The following SGCZ variants were observed in gnomAD, a reference collection of about 807,000 sequenced individuals.
SGCZ encodes the protein zeta-sarcoglycan.
Under a neutral mutation model 41.3 loss-of-function variants are expected in SGCZ, and 40 were observed. The observed-to-expected ratio is 0.97, with a 90% CI of 0.75 to 1.26. SGCZ has a LOEUF of 1.26. Among genes scored for constraint, SGCZ ranks in the 50% most tolerant of loss-of-function variants. The pLI, the probability that SGCZ is intolerant of heterozygous loss-of-function variation, is 0.00. For missense variants in SGCZ, 552 were observed against 369.8 expected (o/e 1.49, Z -4.04); for synonymous variants, 206 against 137.5 (o/e 1.50, Z -3.49).
chr8:14,160,783 GGTAGAGTGAAC>G (rs1804020668), intron 5 of SGCZ, among the ~76,000 whole-genome samples: 1 of 152,090 alleles, frequency 6.6e-6, no homozygotes, highest in Non-Finnish European at 1.5e-5. Flanking sequence ...CTGCTTTGTA[GGTAGAGTGAAC>G]GTAAATATCA....
At position 14,358,425 on chromosome 8, in the gene SGCZ, C is replaced by T. The variant is rs374100869; in HGVS notation, c.235-34221G>A. The stretch of plus-strand genomic sequence containing the variant: ...TATGTTGTCATCAATCATCTCATTA[C>T]GTAAGAAGTCTTACTGTCACCAGAT... On this transcript the variant is annotated intron_variant, in intron 2 of 7. Coordinates refer to ENST00000382080, the MANE Select transcript of SGCZ (RefSeq NM_139167.4). Among the ~76,000 whole-genome samples the T allele has an allele frequency of 1.7e-3, 260 of 152,062 alleles. 1 individual carries two copies. The highest frequency in any genetic ancestry group is 5.5e-3 in the African/African-American group (229 of 41,484).
intron 1 of SGCZ, among the ~76,000 whole-genome samples, chr8:14,755,022 A>G (rs1283356408): frequency 6.6e-6 from 1 of 152,120 alleles, no homozygotes; most frequent in Non-Finnish European, 1.5e-5. Context: ...CAGACACTGC[A>G]CCTGGCCTGG....
At chr8:15,103,703 G>A (rs1806703076) in intron 1 of SGCZ, among the ~76,000 whole-genome samples, 1 of 151,942 alleles carries the variant, frequency 6.6e-6, no homozygotes, top group East Asian at 1.9e-4. Flanking sequence ...CAGGATCAAA[G>A]GTTAAAAGGC....
At chr8:14,358,810 C>A (rs1252972099) in intron 2 of SGCZ, among the ~76,000 whole-genome samples, 2 of 151,954 alleles carry the variant, frequency 1.3e-5, no homozygotes, top group African/African-American at 2.4e-5. Context: ...GGGGTTTCAC[C>A]ATCTTGGCCA....
intron 1 of SGCZ, among the ~76,000 whole-genome samples, chr8:15,193,703 G>A (rs969778016): frequency 1.3e-5 from 2 of 151,274 alleles, no homozygotes; most frequent in African/African-American, 4.9e-5. Context: ...ATTTCTGGCT[G>A]AAATATTAGT....
intron 1 of SGCZ, among the ~76,000 whole-genome samples, chr8:14,800,339 T>C (rs73533035): frequency 0.067 from 10,196 of 152,204 alleles, 756 homozygotes; most frequent in African/African-American, 0.18. Context: ...CCTCATACTA[T>C]AGATAGAGCA....
intron 1 of SGCZ, among the ~76,000 whole-genome samples, chr8:15,031,905 C>CTCTCTCTCTCTA (rs1554543347): frequency 1.4e-5 from 1 of 71,354 alleles, no homozygotes; most frequent in African/African-American, 1.1e-4. Flanking sequence ...CTATATTCCT[C>CTCTCTCTCTCTA]TCTCTCTCTC....
intron 6 of SGCZ, among the ~76,000 whole-genome samples, chr8:14,107,698 G>C (rs1802249419): frequency 6.6e-6 from 1 of 152,146 alleles, no homozygotes; most frequent in African/African-American, 2.4e-5. Context: ...GAGCACAGCG[G>C]CATGATCATA....
At chr8:14,795,978 A>G (rs1270518006) in intron 1 of SGCZ, among the ~76,000 whole-genome samples, 1 of 152,164 alleles carries the variant, frequency 6.6e-6, no homozygotes, top group Non-Finnish European at 1.5e-5. Context: ...CTCCAGCTCC[A>G]TCCTTGTCCC....
chr8:14,373,480 T>C lies in SGCZ; in HGVS notation c.235-49276A>G, dbSNP rs537397482. On this transcript the variant is annotated intron_variant, in intron 2 of 7. Coordinates refer to ENST00000382080, the MANE Select transcript of SGCZ (RefSeq NM_139167.4). ...TGATATTCAGAGAAGACAATAAAAA[T>C]AAGTGAGCTCTCAAGACTCCTCACC... 8.7e-4 allele frequency among the ~76,000 whole-genome samples: 132 copies of C among 152,220 alleles called. 1 individual carries two copies. The highest frequency in any genetic ancestry group is 2.9e-3 in the African/African-American group (122 of 41,538).
At chr8:14,262,728 A>C (rs1195352885) in intron 3 of SGCZ, among the ~76,000 whole-genome samples, 1 of 151,860 alleles carries the variant, frequency 6.6e-6, no homozygotes, top group Non-Finnish European at 1.5e-5. Flanking sequence ...ACCATCATCA[A>C]AGATGTATCG....
intron 1 of SGCZ, among the ~76,000 whole-genome samples, chr8:14,662,862 A>G (rs536261370): frequency 6.6e-6 from 1 of 152,280 alleles, no homozygotes; most frequent in African/African-American, 2.4e-5. Flanking sequence ...TTGCTTTTCC[A>G]GAGTTTGAAG....
rs1806460214 is a variant in SGCZ at position 15,098,207 on chromosome 8, G to C, written c.39+139378C>G. On this transcript the variant is annotated intron_variant, in intron 1 of 7. Coordinates refer to ENST00000382080, the MANE Select transcript of SGCZ (RefSeq NM_139167.4). ...AAGGAAAAAGGAGGAAGAAAAGACA[G>C]AAAGGAGTGAAAAAGAAAGAAGAAA... is the stretch of plus-strand genomic sequence containing the variant. 1.3e-5 allele frequency among the ~76,000 whole-genome samples: 2 copies of C among 151,704 alleles called. 1 individual carries two copies. The highest frequency in any genetic ancestry group is 4.2e-4 in the South Asian group (2 of 4,802).
chr8:14,846,099 C>A (rs1445162417), intron 1 of SGCZ, among the ~76,000 whole-genome samples: 1 of 152,042 alleles, frequency 6.6e-6, no homozygotes, highest in Admixed American at 6.6e-5. Flanking sequence ...TTTCAAAACA[C>A]CTCTCTCAAT....
intron 1 of SGCZ, among the ~76,000 whole-genome samples, chr8:14,819,139 AAAAAGT>A (rs1340337976): frequency 2.5e-4 from 38 of 152,050 alleles, no homozygotes; most frequent in Non-Finnish European, 1.5e-5. Context: ...TCTAAAAAAA[AAAAAGT>A]AAAAGTAAAA....
chr8:14,361,875 T>C (rs1803526957), intron 2 of SGCZ, among the ~76,000 whole-genome samples: 1 of 152,200 alleles, frequency 6.6e-6, no homozygotes, highest in Non-Finnish European at 1.5e-5. Context: ...GGTGTGGATG[T>C]CCTTTTTGTA....
At chr8:14,693,991 T>C (rs1808882312) in intron 1 of SGCZ, among the ~76,000 whole-genome samples, 1 of 152,318 alleles carries the variant, frequency 6.6e-6, no homozygotes, top group Non-Finnish European at 1.5e-5. Context: ...CATTTGGAGG[T>C]AATTACAATT....
chr8:14,410,480 G>A (rs1355739660), intron 2 of SGCZ, among the ~76,000 whole-genome samples: 2 of 151,532 alleles, frequency 1.3e-5, no homozygotes, highest in Non-Finnish European at 2.9e-5. Context: ...AAAATTCACA[G>A]AAGGATGGAA....
chr8:14,437,350 T>C (rs529172566), intron 2 of SGCZ, among the ~76,000 whole-genome samples: 2 of 152,310 alleles, frequency 1.3e-5, no homozygotes, highest in South Asian at 4.1e-4. Context: ...TATCACAGAA[T>C]ATCCACAATT....
Sources: allele counts gnomAD v4.1 joint callset (sites outside exome capture counted in the v4.1 genomes callset), GRCh38; gene constraint gnomAD v4.1.1; transcripts MANE v1.5; gene names NCBI Gene and HGNC (gene_info 2026-07-23, HGNC 2026-07-21).